CDCA5: variants seen among roughly 807,000 people sequenced by gnomAD.
CDCA5 encodes the protein cell division cycle associated 5, also known as sororin.
CDCA5 carries 14 observed loss-of-function variants against 25.7 expected under a neutral mutation model. The observed-to-expected ratio is 0.54, with a 90% confidence interval of 0.36 to 0.85. The LOEUF is 0.85. Ranked by LOEUF, CDCA5 falls within the 40% of genes least tolerant of loss-of-function variation. CDCA5 has a pLI of 0.01. For synonymous variants in CDCA5, 127 were observed against 128.7 expected (o/e 0.99, Z 0.09); for missense variants, 307 against 324.5 (o/e 0.95, Z 0.41).
chr11:65,064,550 CCAACTACCAT>C (rs2137053279), downstream of CDCA5, among the ~76,000 whole-genome samples: 2 of 152,138 alleles, frequency 1.3e-5, no homozygotes, highest in East Asian at 3.9e-4. Flanking sequence ...AGCTGTTGAT[CCAACTACCAT>C]CAACCTCAGT....
At chr11:65,076,271 C>G (rs1339195645), downstream of CDCA5, among the ~76,000 whole-genome samples, 1 of 136,864 alleles carries the variant, frequency 7.3e-6, no homozygotes, top group African/African-American at 2.7e-5. Flanking sequence ...TGTGCCACCA[C>G]GCCCATTTAT....
chr11:65,065,618 T>G (rs903164077), downstream of CDCA5, among the ~76,000 whole-genome samples: 1 of 152,232 alleles, frequency 6.6e-6, no homozygotes, highest in Non-Finnish European at 1.5e-5. Flanking sequence ...ATAAATGCCC[T>G]TTAGAATATT....
downstream of CDCA5, chr11:65,066,293 C>T (rs559673726): frequency 7.0e-6 from 8 of 1,147,700 alleles, no homozygotes; most frequent in African/African-American, 1.3e-4. Flanking sequence ...CTTGGTGAAG[C>T]TGAAGCTTAG....
At chr11:65,062,990 C>A (rs1947199695), downstream of CDCA5, among the ~76,000 whole-genome samples, 1 of 152,196 alleles carries the variant, frequency 6.6e-6, no homozygotes. Context: ...AGGCACTCAA[C>A]AAGTATTTGT....
rs1011788262 is a variant in CDCA5, at chr11:65,077,945, G to C, written c.*1162C>G. ...CAGGGGTGCGGCAGGAGAGTCGGGG[G>C]CAGGGCAGCCTTCAAATCCACACTA... is the stretch of plus-strand genomic sequence containing the variant. On this transcript the variant is annotated 3_prime_UTR_variant, in exon 6 of 6. Coordinates refer to ENST00000275517, the MANE Select transcript of CDCA5 (RefSeq NM_080668.4). The C allele has an allele frequency of 2.4e-5, 24 of 985,400 alleles. No individual in the cohort carries two copies. Among genetic ancestry groups the C allele is most frequent in the Non-Finnish European group, 2.8e-5 (23 of 830,052 alleles). The allele number at this position is 985,400 out of a possible 1,614,324, so 61.0% of individuals were successfully genotyped here. A position where few individuals can be genotyped will look rare whatever the true frequency, so the allele number is the denominator to read the frequency against.
At chr11:65,067,058 C>T (rs756583031) in intron 4 of CDCA5, among the ~76,000 whole-genome samples, 1 of 152,216 alleles carries the variant, frequency 6.6e-6, no homozygotes, top group Non-Finnish European at 1.5e-5. Flanking sequence ...GAATTGTTCT[C>T]CCTGAGTGAT....
chr11:65,067,230 G>A lies in CDCA5; in HGVS notation c.369-351C>T, dbSNP rs532894426. Among the ~76,000 whole-genome samples, 41 of 152,344 alleles carry A rather than the reference G, an allele frequency of 2.7e-4. No individual in the cohort carries two copies. In the South Asian group the frequency reaches 8.1e-3, roughly 30 times the overall value. On this transcript the variant is annotated intron_variant, in intron 4 of 6. Coordinates refer to the CDCA5 transcript ENST00000525464. ...GCTCCTTTGGGCTGTAGGCAGGGTTGCAACAGGATTCTCTGTGGCTCCAGG... is the reference window on the plus strand; with the variant it reads ...GCTCCTTTGGGCTGTAGGCAGGGTTACAACAGGATTCTCTGTGGCTCCAGG...
chr11:65,065,296 AT>A (rs61484391), downstream of CDCA5, among the ~76,000 whole-genome samples: 3 of 150,168 alleles, frequency 2.0e-5, no homozygotes, highest in South Asian at 2.2e-4. Flanking sequence ...TAAAAAAAAA[AT>A]TTTTTTTTGA....
intron 4 of CDCA5, among the ~76,000 whole-genome samples, chr11:65,081,627 G>C (rs1331244444): frequency 1.3e-5 from 2 of 152,116 alleles, no homozygotes; most frequent in Non-Finnish European, 2.9e-5. Context: ...TGTGTTCTTA[G>C]AGGGGGGAGA....
chr11:65,078,473 T>C lies in CDCA5; in HGVS notation c.*634A>G, dbSNP rs1279836549. 1.6e-5 allele frequency: 16 copies of C among 985,484 alleles called. No homozygotes were observed. The highest frequency in any genetic ancestry group is 1.8e-5 in the Non-Finnish European group (15 of 829,990). 61.0% of individuals were successfully genotyped at this position (985,484 alleles called of 1,614,324 possible). ...ACAGCTTCTGTGTAGTACACACTTATGGTCTGAGACCCAACTAAGGCTCCC... is the reference window on the plus strand; with the variant it reads ...ACAGCTTCTGTGTAGTACACACTTACGGTCTGAGACCCAACTAAGGCTCCC... On this transcript the variant is annotated 3_prime_UTR_variant, in exon 6 of 6. Transcript: ENST00000275517.
chr11:65,073,800 C>T (rs575347662), downstream of CDCA5, among the ~76,000 whole-genome samples: 4 of 152,278 alleles, frequency 2.6e-5, no homozygotes, highest in South Asian at 4.1e-4. Context: ...CACTGTAGGG[C>T]GCCGACTGCC....
chr11:65,078,204 C>T lies in CDCA5; in HGVS notation c.*903G>A, dbSNP rs1947484985. ...TTTCTCTTCTAGGGCCAAGTAGACT[C>T]GGTGTAACTTATTTTGTAAGAAATG... On this transcript the variant is annotated 3_prime_UTR_variant, in exon 6 of 6. Coordinates refer to ENST00000275517, the MANE Select transcript of CDCA5 (RefSeq NM_080668.4). 5 of 985,418 alleles carry T rather than the reference C, an allele frequency of 5.1e-6. No homozygotes were observed. The South Asian group carries it at 1.4e-4, about 28-fold the overall frequency. 61.0% of individuals were successfully genotyped at this position (985,418 alleles called of 1,614,324 possible). A position where few individuals can be genotyped will look rare whatever the true frequency, so the allele number is the denominator to read the frequency against.
Position 65,078,561 on chromosome 11 carries a change from T to C in CDCA5, c.*546A>G, listed in dbSNP as rs1019855021. 4 of 985,592 alleles carry C rather than the reference T, an allele frequency of 4.1e-6. No individual in the cohort carries two copies. In the African/African-American group the frequency reaches 7.0e-5, roughly 17 times the overall value. The allele number at this position is 985,592 out of a possible 1,614,324, so 61.1% of individuals were successfully genotyped here. ...CCAGCTTCTTCCTCCAAGACAGAAT[T>C]GCCCTCAGCCCACGAATTCTCTCTG... On this transcript the variant is annotated 3_prime_UTR_variant, in exon 6 of 6. Coordinates refer to ENST00000275517, the MANE Select transcript of CDCA5 (RefSeq NM_080668.4).
chr11:65,070,105 C>T (rs544745171), intron 1 of CDCA5, among the ~76,000 whole-genome samples: 4 of 152,312 alleles, frequency 2.6e-5, no homozygotes, highest in Non-Finnish European at 5.9e-5. Context: ...TAAGCAAGAG[C>T]CGTGGGGTCC....
At position 65,077,509 on chromosome 11, in the gene CDCA5, A is replaced by AT. The variant is rs986145421; in HGVS notation, c.*1597dup. On this transcript the variant is annotated 3_prime_UTR_variant, in exon 6 of 6. Transcript: ENST00000275517. ...TTTTCCAACTCTAAAACAAAATCCC[A>AT]TTTTTTCCTTAAATTTAGTTCCTCA... The AT allele has an allele frequency of 9.1e-6, 9 of 985,234 alleles. No homozygotes were observed. The African/African-American group carries it at 1.4e-4, about 15-fold the overall frequency. 61.0% of individuals were successfully genotyped at this position (985,234 alleles called of 1,614,324 possible).
chr11:65,063,602 CTGCA>C (rs1947205369), downstream of CDCA5, among the ~76,000 whole-genome samples: 1 of 152,202 alleles, frequency 6.6e-6, no homozygotes, highest in African/African-American at 2.4e-5. Context: ...AATGCAGCGC[CTGCA>C]CATTCACGAA....
intron 4 of CDCA5, among the ~76,000 whole-genome samples, chr11:65,082,027 G>A (rs1256100538): frequency 6.6e-6 from 1 of 152,172 alleles, no homozygotes; most frequent in Admixed American, 6.5e-5. Context: ...GGTCAGGGAA[G>A]GCCACTGGGG....
At chr11:65,072,161 T>C (rs1235694538) in intron 1 of CDCA5, among the ~76,000 whole-genome samples, 1 of 152,220 alleles carries the variant, frequency 6.6e-6, no homozygotes, top group East Asian at 1.9e-4. Context: ...GAGATGGAAT[T>C]GGCCTCACTT....
rs1284666022 is a variant in CDCA5, at chr11:65,078,625, G to A, written c.*482C>T. The A allele has an allele frequency of 1.0e-6, 1 of 988,188 alleles. No individual in the cohort carries two copies. The highest frequency in any genetic ancestry group is 1.7e-5 in the African/African-American group (1 of 57,458). 61.2% of individuals were successfully genotyped at this position (988,188 alleles called of 1,614,324 possible). ...AATCAAAGGGGAAACCCACGGAACT[G>A]AAAACCTCTTTACACAGGTGGGTTC... On this transcript the variant is annotated 3_prime_UTR_variant, in exon 6 of 6. Coordinates refer to ENST00000275517, the MANE Select transcript of CDCA5 (RefSeq NM_080668.4).
Sources: allele counts gnomAD v4.1 joint callset (sites outside exome capture counted in the v4.1 genomes callset), GRCh38; gene constraint gnomAD v4.1.1; transcripts MANE v1.5; gene names NCBI Gene and HGNC (gene_info 2026-07-23, HGNC 2026-07-21).